SYNPR: variants seen among roughly 807,000 people sequenced by gnomAD.
SYNPR encodes synaptoporin.
Under a neutral mutation model 32.9 loss-of-function variants are expected in SYNPR, and 23 were observed. The observed-to-expected ratio is 0.70, with a 90% CI of 0.50 to 0.99. The LOEUF (loss-of-function observed/expected upper bound fraction) is 0.99. SYNPR is among the 50% of genes least tolerant of loss of function. The pLI, the probability that SYNPR is intolerant of heterozygous loss-of-function variation, is 0.00. For missense variants in SYNPR, 318 were observed against 349.3 expected, an observed-to-expected ratio of 0.91 and a Z score of 0.71; for synonymous variants, 146 against 135.9, an observed-to-expected ratio of 1.07 and a Z score of -0.52.
the SYNPR span, among the ~76,000 whole-genome samples, chr3:63,222,780 G>C: frequency 6.6e-6 from 1 of 152,138 alleles, no homozygotes; most frequent in South Asian, 2.1e-4. Flanking sequence ...GCCTCTCAAA[G>C]TACTGGGATT....
intron 2 of SYNPR, among the ~76,000 whole-genome samples, chr3:63,393,238 C>T (rs1354936507): frequency 1.3e-5 from 2 of 152,088 alleles, no homozygotes. Context: ...TTACTTTTTT[C>T]CTGTATTACA....
Position 63,556,680 on chromosome 3 carries a change from C to T in SYNPR, c.347C>T (p.Ala116Val), listed in dbSNP as rs764045608. 1.7e-5 allele frequency: 28 copies of T among 1,613,732 alleles called. No homozygotes were observed. Among genetic ancestry groups the T allele is most frequent in the Non-Finnish European group, 2.2e-5 (26 of 1,179,836 alleles). ...TTCGCCTTCCTCTACTCTTTGGCTG[C>T]CACTGTCGTTTACATTTTCTTCCAG... ...AVFAFLYSLA[A>V]TVVYIFFQNK... The change falls in exon 4 of 6, where the codon GCC (alanine) becomes GTC (valine). Residue 116 changes from alanine to valine, a missense_variant. Physicochemically the swap from Ala to Val is moderately conservative, Grantham distance 64. Coordinates refer to ENST00000478300, the MANE Select transcript of SYNPR (RefSeq NM_001130003.2).
chr3:63,562,740 C>T (rs1027687131), intron 4 of SYNPR, among the ~76,000 whole-genome samples: 1 of 152,160 alleles, frequency 6.6e-6, no homozygotes, highest in East Asian at 1.9e-4. Context: ...ATATTAGAAA[C>T]CTTGCTTGTA....
At chr3:63,202,012 A>G in the SYNPR span, among the ~76,000 whole-genome samples, 3 of 152,138 alleles carry the variant, frequency 2.0e-5, no homozygotes, top group African/African-American at 7.2e-5. Flanking sequence ...ATTAATATCT[A>G]GATTCAAATG....
chr3:63,391,041 A>G (rs1016685268), intron 2 of SYNPR, among the ~76,000 whole-genome samples: 27 of 152,244 alleles, frequency 1.8e-4, no homozygotes, highest in Non-Finnish European at 3.8e-4. Context: ...CATCAAAATA[A>G]GGTATACTGG....
At chr3:63,578,157 C>T (rs1703024588) in intron 4 of SYNPR, among the ~76,000 whole-genome samples, 2 of 152,202 alleles carry the variant, frequency 1.3e-5, no homozygotes, top group South Asian at 2.1e-4. Context: ...GGAATCACCA[C>T]CTCCTGTCTT....
At chr3:63,529,893 T>C (rs1345705794) in intron 3 of SYNPR, among the ~76,000 whole-genome samples, 1 of 152,116 alleles carries the variant, frequency 6.6e-6, no homozygotes, top group Admixed American at 6.5e-5. Context: ...TGGGAGTCAC[T>C]CATCCACCAT....
chr3:63,273,540 C>A (rs17068031), upstream of SYNPR, among the ~76,000 whole-genome samples: 1 of 152,010 alleles, frequency 6.6e-6, no homozygotes, highest in Non-Finnish European at 1.5e-5. Flanking sequence ...TGGATCCAAT[C>A]CTTTGGTGTT....
the SYNPR span, among the ~76,000 whole-genome samples, chr3:63,223,232 C>A: frequency 6.6e-6 from 1 of 151,746 alleles, no homozygotes; most frequent in African/African-American, 2.4e-5. Flanking sequence ...TCTTCTCTGG[C>A]CCAAACAGGA....
intron 5 of SYNPR, among the ~76,000 whole-genome samples, chr3:63,612,880 C>T (rs1700219892): frequency 6.7e-6 from 1 of 148,398 alleles, no homozygotes; most frequent in African/African-American, 2.5e-5. Context: ...CTCCCCTCCC[C>T]CACCCTCCCC....
At chr3:63,225,061 T>C (rs980590821), upstream of SYNPR, among the ~76,000 whole-genome samples, 1 of 152,136 alleles carries the variant, frequency 6.6e-6, no homozygotes, top group African/African-American at 2.4e-5. Context: ...TTAAGGAGAC[T>C]CTCGCTATGT....
chr3:63,554,906 T>C lies in SYNPR; in HGVS notation c.210-1637T>C, dbSNP rs114550761. On this transcript the variant is annotated intron_variant, in intron 3 of 5. Transcript: ENST00000478300. Reference sequence around the variant, plus strand: ...GATTTCTTTCAGCAGAGTTTTATAGTTCTCCTTGTAGAGATCTTTCACCTC... The same window carrying C: ...GATTTCTTTCAGCAGAGTTTTATAGCTCTCCTTGTAGAGATCTTTCACCTC... 5.0e-3 allele frequency among the ~76,000 whole-genome samples: 755 copies of C among 152,280 alleles called. 4 individuals carry two copies. Among genetic ancestry groups the C allele is most frequent in the African/African-American group, 0.017 (715 of 41,550 alleles).
intron 3 of SYNPR, among the ~76,000 whole-genome samples, chr3:63,506,004 C>T (rs1701580017): frequency 6.6e-6 from 1 of 152,106 alleles, no homozygotes; most frequent in South Asian, 2.1e-4. Flanking sequence ...GGACTTATTT[C>T]ATTTTTTTCT....
At chr3:63,536,602 T>C (rs1702213325) in intron 3 of SYNPR, among the ~76,000 whole-genome samples, 2 of 152,146 alleles carry the variant, frequency 1.3e-5, no homozygotes, top group African/African-American at 2.4e-5. Flanking sequence ...CTGTATGATC[T>C]AGCAATTCCA....
intron 2 of SYNPR, among the ~76,000 whole-genome samples, chr3:63,470,179 G>A (rs74763170): frequency 0.11 from 16,027 of 144,310 alleles, 977 homozygotes; most frequent in Middle Eastern, 0.15. Context: ...CTGTAAAAAA[G>A]TATATACTGT....
chr3:63,363,302 G>T (rs2087686240), intron 2 of SYNPR, among the ~76,000 whole-genome samples: 1 of 152,058 alleles, frequency 6.6e-6, no homozygotes, highest in South Asian at 2.1e-4. Context: ...TAATTCCTCA[G>T]GTTTGACTGT....
At chr3:63,341,969 C>A (rs535470262) in intron 2 of SYNPR, among the ~76,000 whole-genome samples, 1 of 152,232 alleles carries the variant, frequency 6.6e-6, no homozygotes, top group East Asian at 1.9e-4. Flanking sequence ...CCTGTATTAT[C>A]TTCTAGAGGC....
At chr3:63,304,873 C>A (rs780832272) in intron 2 of SYNPR, among the ~76,000 whole-genome samples, 1 of 151,818 alleles carries the variant, frequency 6.6e-6, no homozygotes, top group East Asian at 1.9e-4. Flanking sequence ...TCCCTGCAAA[C>A]CTAAAAGATT....
chr3:63,249,129 G>T (rs1471222222), intron 1 of SYNPR, among the ~76,000 whole-genome samples: 1 of 152,024 alleles, frequency 6.6e-6, no homozygotes, highest in Admixed American at 6.6e-5. Context: ...AAAACATTTT[G>T]CACATCAGTA....
Sources: gnomAD v4.1 joint callset for allele counts (sites outside exome capture counted in the v4.1 genomes callset) on GRCh38, gnomAD v4.1.1 for gene constraint, MANE v1.5 for transcripts, NCBI Gene and HGNC (gene_info 2026-07-23, HGNC 2026-07-21) for gene names.